Variants in DEPDC5 observed in about 807,000 individuals in gnomAD.
DEPDC5 encodes GATOR1 complex protein DEPDC5.
In DEPDC5, 73 loss-of-function variants were observed where a neutral mutation model predicts 217.3. The ratio of observed to expected loss-of-function variants is 0.34; its 90% CI spans 0.28 to 0.41. The LOEUF is 0.41. Ranked by LOEUF, DEPDC5 falls within the 10% of genes least tolerant of loss-of-function variation. The probability of loss-of-function intolerance (pLI) is 1.00; values close to 1 mark genes in which losing one functional copy is unlikely to be tolerated. For missense variants in DEPDC5, 1,675 were observed against 2,070.1 expected (o/e 0.81, Z 3.70); for synonymous variants, 733 against 756.7 (o/e 0.97, Z 0.51).
In DEPDC5 at chr22:31,870,644, T is replaced by C. The variant is rs1037109139; in HGVS notation, c.3385T>C (p.Cys1129Arg). The C allele has an allele frequency of 3.7e-6, 6 of 1,603,012 alleles. No individual in the cohort carries two copies. The highest frequency in any genetic ancestry group is 1.7e-5 in the Admixed American group (1 of 57,948). Reference protein sequence around the residue: ...PMLDGTSLGICTGQSMDRGNS... With the variant: ...PMLDGTSLGIRTGQSMDRGNS... ...GTTGGACGGCACCAGTTTGGGCATA[T>C]GCACAGGCCAATCCATGGACAGAGG... The change falls in exon 34 of 43, where the codon TGC becomes CGC. Residue 1129 changes from cysteine to arginine, a missense_variant. This residue lies in a region of DEPDC5 where 126 missense variants were observed against 113.8 expected (regional missense o/e 1.11). Transcript: ENST00000651528.
chr22:31,762,451 A>G (rs2082475518), intron 4 of DEPDC5, among the ~76,000 whole-genome samples: 1 of 152,226 alleles, frequency 6.6e-6, no homozygotes, highest in South Asian at 2.1e-4. Flanking sequence ...AGAAAAAAAC[A>G]AAATTCTGGG....
intron 34 of DEPDC5, among the ~76,000 whole-genome samples, chr22:31,872,905 T>C (rs754775152): frequency 1.3e-5 from 2 of 151,936 alleles, no homozygotes; most frequent in Non-Finnish European, 2.9e-5. Flanking sequence ...CAGGCGCACG[T>C]CACCATGCCT....
chr22:31,755,033 G>A, intron 2 of DEPDC5, 54 bp downstream of exon 2: 1 of 1,598,870 alleles, frequency 6.3e-7, no homozygotes, highest in Non-Finnish European at 8.6e-7. Context: ...GTTCTGGTGT[G>A]TGCAATACCT....
Position 31,765,043 on chromosome 22 carries a change from A to T in DEPDC5, c.262A>T (p.Asn88Tyr). 6.2e-7 allele frequency: 1 copy of T among 1,613,846 alleles called. No individual in the cohort carries two copies. The change falls in exon 5 of 43, where the codon AAT becomes TAT. Residue 88 changes from asparagine (N) to tyrosine (Y), a missense_variant. Physicochemically the swap from Asn to Tyr is moderately radical, Grantham distance 143. This residue lies in a region of DEPDC5 where 628 missense variants were observed against 762.1 expected (regional missense o/e 0.82). Coordinates refer to ENST00000651528, the MANE Select transcript of DEPDC5 (RefSeq NM_001242896.3). ...RLRPYQDVYV[N>Y]VVDPKDVTLD... ...GAGACCTTATCAGGATGTCTATGTT[A>T]ATGTCGTAGACCCTAAGGTATGTCT...
chr22:31,834,932 C>G (rs1248133590), intron 25 of DEPDC5, among the ~76,000 whole-genome samples: 1 of 152,152 alleles, frequency 6.6e-6, no homozygotes, highest in Non-Finnish European at 1.5e-5. Context: ...TTTGAGTAGT[C>G]ATTTCTTATT....
chr22:31,772,490 C>T (rs976520150), intron 7 of DEPDC5, among the ~76,000 whole-genome samples: 1 of 152,144 alleles, frequency 6.6e-6, no homozygotes, highest in Non-Finnish European at 1.5e-5. Flanking sequence ...TTAGTCTTCA[C>T]ATCTGCAAAA....
intron 2 of DEPDC5, 101 bp downstream of exon 2, chr22:31,755,080 A>G (rs2147932515): frequency 7.2e-7 from 1 of 1,395,244 alleles, no homozygotes; most frequent in East Asian, 2.3e-5. Flanking sequence ...AATTGAGGCT[A>G]AACAGGCGAC....
At chr22:31,864,575 A>G (rs529051055) in intron 33 of DEPDC5, among the ~76,000 whole-genome samples, 11 of 148,640 alleles carry the variant, frequency 7.4e-5, no homozygotes, top group African/African-American at 2.7e-4. Context: ...GTAAAAGGAA[A>G]TAAAAAATAA....
intron 17 of DEPDC5, 189 bp downstream of exon 17, chr22:31,805,104 T>C (rs553547090): frequency 1.2e-5 from 6 of 484,090 alleles, no homozygotes; most frequent in African/African-American, 1.2e-4. Flanking sequence ...GAACAGTCTA[T>C]GGTGAAAAAG....
chr22:31,874,288 G>T lies in DEPDC5; in HGVS notation c.3579G>T (p.Leu1193=). 6.2e-7 allele frequency: 1 copy of T among 1,607,316 alleles called. No individual in the cohort carries two copies. The change falls in exon 36 of 43, where the codon CTG becomes CTT. Residue 1193 remains leucine (L), a synonymous_variant. Coordinates refer to ENST00000651528, the MANE Select transcript of DEPDC5 (RefSeq NM_001242896.3). The part of the protein sequence containing the change: ...AMKHPSTGVQ[L]LSEQKGLSPY... ...TGGAACCCAGGACAGGAGTCCAGCT[G>T]CTCTCTGAACAGAAGGGCCTCTCAC...
At chr22:31,780,231 G>A (rs1346451188) in intron 8 of DEPDC5, among the ~76,000 whole-genome samples, 1 of 152,268 alleles carries the variant, frequency 6.6e-6, no homozygotes, top group East Asian at 1.9e-4. Flanking sequence ...GGAAGGATGT[G>A]GGCAGGTATG....
At chr22:31,795,816 C>T (rs1397111495) in intron 12 of DEPDC5, among the ~76,000 whole-genome samples, 1 of 151,842 alleles carries the variant, frequency 6.6e-6, no homozygotes, top group Non-Finnish European at 1.5e-5. Context: ...CTGCAACCTC[C>T]GCCTCCCGGA....
At chr22:31,761,866 G>C (rs2082417298) in intron 4 of DEPDC5, among the ~76,000 whole-genome samples, 1 of 151,306 alleles carries the variant, frequency 6.6e-6, no homozygotes, top group Non-Finnish European at 1.5e-5. Context: ...TACCCTGGAG[G>C]CCGAGGTAGG....
At chr22:31,900,161 C>T (rs1057124667) in intron 40 of DEPDC5, among the ~76,000 whole-genome samples, 3 of 152,020 alleles carry the variant, frequency 2.0e-5, no homozygotes, top group East Asian at 3.9e-4. Context: ...AGTCTCCTGC[C>T]ACAGCCTCCC....
intron 24 of DEPDC5, 30 bp downstream of exon 24, chr22:31,822,820 G>T: frequency 6.2e-7 from 1 of 1,604,538 alleles, no homozygotes; most frequent in South Asian, 1.1e-5. Flanking sequence ...ATAGAGTTGG[G>T]ATGTTTAGAT....
intron 8 of DEPDC5, 74 bp from the exon 9 acceptor site, chr22:31,783,833 C>G: frequency 7.7e-7 from 1 of 1,297,400 alleles, no homozygotes; most frequent in Non-Finnish European, 1.1e-6. Flanking sequence ...AGCAGATCTT[C>G]AGAACTTTTT....
At chr22:31,819,758 C>T (rs1343370632) in intron 22 of DEPDC5, among the ~76,000 whole-genome samples, 1 of 152,196 alleles carries the variant, frequency 6.6e-6, no homozygotes, top group African/African-American at 2.4e-5. Flanking sequence ...ATGTGAGCCA[C>T]CGCATCCGGC....
At chr22:31,814,724 A>T (rs772213239) in intron 20 of DEPDC5, 49 of 475,872 alleles carry the variant, frequency 1.0e-4, no homozygotes, top group Non-Finnish European at 1.6e-4. Context: ...CAGTGGGATT[A>T]GGTGGGGTCA....
chr22:31,890,309 A>G (rs1262889025), intron 38 of DEPDC5: 3 of 152,200 alleles, frequency 2.0e-5, no homozygotes, highest in African/African-American at 7.2e-5. Context: ...TGCATGTTCT[A>G]GGTTTTTGTT....
Sources: gnomAD v4.1 joint callset for allele counts (sites outside exome capture counted in the v4.1 genomes callset) on GRCh38, gnomAD v4.1.1 for gene constraint, gnomAD v4.1.1 regional missense constraint, MANE v1.5 for transcripts, NCBI Gene and HGNC (gene_info 2026-07-23, HGNC 2026-07-21) for gene names.